Variants in TMEM231 observed in about 807,000 individuals in gnomAD.
TMEM231 encodes transmembrane protein 231.
A neutral mutation model predicts 38.5 loss-of-function variants in TMEM231; 40 were observed. The ratio of observed to expected loss-of-function variants is 1.04; its 90% CI spans 0.81 to 1.35. The LOEUF (loss-of-function observed/expected upper bound fraction) is 1.35. Among genes scored for constraint, TMEM231 ranks in the 40% most tolerant of loss-of-function variants. The pLI is 0.00. For missense variants in TMEM231, 420 were observed against 416.9 expected (o/e 1.01, Z -0.07); for synonymous variants, 199 against 181.7 (o/e 1.10, Z -0.77).
In TMEM231 at chr16:75,541,435, G is replaced by A; in HGVS notation, c.685C>T (p.Pro229Ser). 1 of 1,610,682 alleles carries A rather than the reference G, an allele frequency of 6.2e-7. No homozygotes were observed. Among genetic ancestry groups the A allele is most frequent in the Non-Finnish European group, 8.5e-7 (1 of 1,178,020 alleles). Residue 229 changes from proline (P) to serine (S), a missense_variant, in exon 6 of 7, where the codon CCC (proline) becomes TCC (serine). By Grantham distance (74) the Pro-to-Ser change is moderately conservative. Transcript: ENST00000258173. ...CTGCCCACCAGCCAGATGGGGTTGG[G>A]ATCATTCAGGACGGTGGTAACTGCA... Reference protein sequence around the residue: ...ERNVTTVLNDPNPIWLVGRAA... With the variant: ...ERNVTTVLNDSNPIWLVGRAA...
upstream of TMEM231, chr16:75,556,262 T>G (rs1176007249): frequency 7.2e-7 from 1 of 1,381,620 alleles, no homozygotes; most frequent in Non-Finnish European, 9.3e-7. Context: ...TGGCTTCTCC[T>G]GGTTGCCATC....
Position 75,555,827 on chromosome 16 carries a change from G to C in TMEM231, c.286C>G (p.Arg96Gly), listed in dbSNP as rs1342931755. The C allele has an allele frequency of 6.4e-7, 1 of 1,563,482 alleles. No homozygotes were observed. The highest frequency in any genetic ancestry group is 8.7e-7 in the Non-Finnish European group (1 of 1,154,554). ...FPAFNRLQGD[R>G]LRVPLVSTRE... ...ACCGAAACGAGCGGGACGCGCAGGC[G>C]ATCCCCTTGCAGCCGGTTGAAGGCG... Residue 96 changes from arginine (R) to glycine (G), a missense_variant, in exon 2 of 7, where the codon CGC becomes GGC. Transcript: ENST00000258173.
chr16:75,547,263 G>A (rs942295704), intron 2 of TMEM231, among the ~76,000 whole-genome samples: 2 of 152,120 alleles, frequency 1.3e-5, no homozygotes, highest in African/African-American at 4.8e-5. Flanking sequence ...TTACTATTAC[G>A]TAAGGAAGAG....
At chr16:75,543,598 C>T (rs2080651239) in intron 4 of TMEM231, among the ~76,000 whole-genome samples, 1 of 152,010 alleles carries the variant, frequency 6.6e-6, no homozygotes, top group Non-Finnish European at 1.5e-5. Flanking sequence ...CAAATAAAAA[C>T]CCCTACACAA....
At chr16:75,547,463 G>A (rs1301716737) in intron 2 of TMEM231, among the ~76,000 whole-genome samples, 1 of 152,014 alleles carries the variant, frequency 6.6e-6, no homozygotes, top group Non-Finnish European at 1.5e-5. Flanking sequence ...CATCAGCTTC[G>A]GGGAGGGATA....
Position 75,537,057 on chromosome 16 carries a change from G to A in TMEM231, c.*2937C>T, listed in dbSNP as rs1177672091. On this transcript the variant is annotated 3_prime_UTR_variant, in exon 7 of 7. Transcript: ENST00000258173. ...GAATCACTTGAACCTGGGAGGTAGA[G>A]GCTGCAATGAGCTGAGATCATGCTG... is the stretch of plus-strand genomic sequence containing the variant. The A allele has an allele frequency of 1.3e-5, 2 of 150,762 alleles. No individual in the cohort carries two copies. The highest frequency in any genetic ancestry group is 4.9e-5 in the African/African-American group (2 of 40,778). The allele number at this position is 150,762 out of a possible 1,614,324, so 9.3% of individuals were successfully genotyped here.
chr16:75,545,053 T>C (rs2080669898), intron 4 of TMEM231, among the ~76,000 whole-genome samples: 1 of 145,836 alleles, frequency 6.9e-6, no homozygotes, highest in East Asian at 2.1e-4. Context: ...CCTCCTGGGT[T>C]CAAGCAATTC....
intron 2 of TMEM231, 44 bp from the exon 3 acceptor site, chr16:75,545,998 T>G: frequency 6.4e-7 from 1 of 1,559,058 alleles, no homozygotes; most frequent in Non-Finnish European, 8.7e-7. Context: ...CACTAATGAG[T>G]CTGGGAGGAA....
chr16:75,555,796 C>A lies in TMEM231; in HGVS notation c.309+8G>T, dbSNP rs754728835. ...ACTCTGCCCCAGGCCCAGGCGGGAA[C>A]CACGCACCGAAACGAGCGGGACGCG... is the stretch of plus-strand genomic sequence containing the variant. On this transcript the variant is annotated splice_region_variant and intron_variant, in intron 2 of 6. Transcript: ENST00000258173. 2 of 1,526,166 alleles carry A rather than the reference C, an allele frequency of 1.3e-6. No individual in the cohort carries two copies. The highest frequency in any genetic ancestry group is 2.4e-5 in the East Asian group (1 of 42,070). The allele number at this position is 1,526,166 out of a possible 1,614,324, so 94.5% of individuals were successfully genotyped here.
chr16:75,555,553 T>C, intron 2 of TMEM231: 3 of 459,208 alleles, frequency 6.5e-6, no homozygotes, highest in South Asian at 9.2e-5. Flanking sequence ...TTCTGGACTC[T>C]GTGTCAGGGC....
chr16:75,546,622 T>C (rs961997548), intron 2 of TMEM231, among the ~76,000 whole-genome samples: 4 of 152,160 alleles, frequency 2.6e-5, no homozygotes, highest in African/African-American at 9.7e-5. Flanking sequence ...TTTTTATTTT[T>C]AGTAGAGACT....
intron 5 of TMEM231, among the ~76,000 whole-genome samples, chr16:75,542,231 T>C (rs1597038079): frequency 6.6e-6 from 1 of 152,042 alleles, no homozygotes; most frequent in East Asian, 1.9e-4. Flanking sequence ...TCTCTGTTTT[T>C]CTCTGAAAAG....
intron 2 of TMEM231, among the ~76,000 whole-genome samples, chr16:75,549,710 T>A (rs1240210520): frequency 1.3e-5 from 2 of 152,062 alleles, no homozygotes; most frequent in Non-Finnish European, 2.9e-5. Flanking sequence ...CAGAGGGAAT[T>A]TTTTTGTTTT....
In TMEM231 at chr16:75,545,528, C is replaced by T. The variant is rs372776379; in HGVS notation, c.439-33G>A. 520 of 1,450,242 alleles carry T rather than the reference C, an allele frequency of 3.6e-4. 4 individuals carry two copies. Among genetic ancestry groups the T allele is most frequent in the South Asian group, 3.3e-3 (253 of 76,334 alleles). The allele number at this position is 1,450,242 out of a possible 1,614,324, so 89.8% of individuals were successfully genotyped here. A position where few individuals can be genotyped will look rare whatever the true frequency, so the allele number is the denominator to read the frequency against. ...CATTAGAAGGACCAACAATACCAAC[C>T]GCCATCAGATCTGAAGGGCTCTGGG... On this transcript the variant is annotated intron_variant, in intron 3 of 6. Transcript: ENST00000258173.
rs527758783 is a variant in TMEM231 at position 75,538,286 on chromosome 16, T to C, written c.*1708A>G. On this transcript the variant is annotated 3_prime_UTR_variant, in exon 7 of 7. Coordinates refer to ENST00000258173, the MANE Select transcript of TMEM231 (RefSeq NM_001077418.3). Reference sequence around the variant, plus strand: ...TCCCAAAGTGTTGAGATTACAGGAATGAACCACCATGCTCGGCCTCATTTT... The same window carrying C: ...TCCCAAAGTGTTGAGATTACAGGAACGAACCACCATGCTCGGCCTCATTTT... 1.3e-5 allele frequency: 2 copies of C among 152,196 alleles called. No individual in the cohort carries two copies. Among genetic ancestry groups the C allele is most frequent in the Non-Finnish European group, 1.5e-5 (1 of 68,040 alleles). The allele number at this position is 152,196 out of a possible 1,614,324, so 9.4% of individuals were successfully genotyped here. A position where few individuals can be genotyped will look rare whatever the true frequency, so the allele number is the denominator to read the frequency against.
At chr16:75,545,291 A>C in intron 4 of TMEM231, 61 bp downstream of exon 4, 3 of 1,562,566 alleles carry the variant, frequency 1.9e-6, no homozygotes, top group Non-Finnish European at 2.6e-6. Flanking sequence ...CCCTCTTTAA[A>C]GAACTTAATG....
At chr16:75,549,687 T>C (rs34427692) in intron 2 of TMEM231, among the ~76,000 whole-genome samples, 2,850 of 152,272 alleles carry the variant, frequency 0.019, 48 homozygotes, top group South Asian at 0.037. Flanking sequence ...CACACGCATG[T>C]ACTGAGCAGA....
At chr16:75,544,430 G>A (rs1173909108) in intron 4 of TMEM231, among the ~76,000 whole-genome samples, 2 of 152,140 alleles carry the variant, frequency 1.3e-5, no homozygotes, top group Non-Finnish European at 2.9e-5. Flanking sequence ...AAGCCCTGAG[G>A]TGGCAGCTGC....
At chr16:75,555,487 C>A in intron 2 of TMEM231, 1 of 352,318 alleles carries the variant, frequency 2.8e-6, no homozygotes. Context: ...CACAAACACC[C>A]TCCATCAGGC....
Sources: gnomAD v4.1 joint callset for allele counts (sites outside exome capture counted in the v4.1 genomes callset) on GRCh38, gnomAD v4.1.1 for gene constraint, MANE v1.5 for transcripts, NCBI Gene and HGNC (gene_info 2026-07-23, HGNC 2026-07-21) for gene names.